Variants in NEK1 observed in about 807,000 individuals in gnomAD.
The protein encoded by NEK1 is serine/threonine-protein kinase Nek1.
A neutral mutation model predicts 182.1 loss-of-function variants in NEK1; 137 were observed. The ratio of observed to expected loss-of-function variants is 0.75; its 90% CI spans 0.65 to 0.87. NEK1 has a LOEUF of 0.87. NEK1 is among the 40% of genes least tolerant of loss of function. NEK1 has a pLI of 0.00. For missense variants in NEK1, 1,391 were observed against 1,494.4 expected (o/e 0.93, Z 1.14); for synonymous variants, 513 against 492.2 (o/e 1.04, Z -0.56).
At chr4:169,437,459 G>A (rs1314346149) in intron 28 of NEK1, among the ~76,000 whole-genome samples, 4 of 152,100 alleles carry the variant, frequency 2.6e-5, no homozygotes, top group Non-Finnish European at 5.9e-5. Flanking sequence ...ATTCTTTGAC[G>A]CCCTTCCCAT....
intron 35 of NEK1, among the ~76,000 whole-genome samples, chr4:169,399,571 C>CA (rs200940490): frequency 0.37 from 39,598 of 106,126 alleles, 5,369 homozygotes; most frequent in South Asian, 0.48. Context: ...GACTCTGTCT[C>CA]AAAAAAAACA....
intron 23 of NEK1, among the ~76,000 whole-genome samples, chr4:169,490,925 C>T (rs760803405): frequency 2.0e-5 from 3 of 151,870 alleles, no homozygotes; most frequent in African/African-American, 4.8e-5. Context: ...GGGAGGATCA[C>T]GAGGTCAGGA....
chr4:169,576,328 G>A lies in NEK1; in HGVS notation c.1020+600C>T, dbSNP rs539997531. Among the ~76,000 whole-genome samples, 25 of 152,274 alleles carry A rather than the reference G, an allele frequency of 1.6e-4. No individual in the cohort carries two copies. The East Asian group carries it at 2.5e-3, about 15-fold the overall frequency. On this transcript the variant is annotated intron_variant, in intron 12 of 35. Transcript: ENST00000507142. ...TATATAAAGTTTATCTTACAGCAGTGTGTATACATACATATCTAAGGCTGT... is the reference window on the plus strand; with the variant it reads ...TATATAAAGTTTATCTTACAGCAGTATGTATACATACATATCTAAGGCTGT...
At chr4:169,589,169 A>C (rs1430851357) in intron 7 of NEK1, among the ~76,000 whole-genome samples, 1 of 152,202 alleles carries the variant, frequency 6.6e-6, no homozygotes, top group Non-Finnish European at 1.5e-5. Flanking sequence ...TTCAGTACAG[A>C]ACATGCTGTA....
At chr4:169,498,277 T>C (rs892941704) in intron 23 of NEK1, among the ~76,000 whole-genome samples, 2 of 152,192 alleles carry the variant, frequency 1.3e-5, no homozygotes, top group African/African-American at 4.8e-5. Flanking sequence ...CTCCATCCCT[T>C]TATTTTGAGC....
chr4:169,470,076 T>C (rs770190252), intron 26 of NEK1, among the ~76,000 whole-genome samples: 37 of 151,864 alleles, frequency 2.4e-4, no homozygotes, highest in Non-Finnish European at 7.4e-5. Context: ...CTTGACTCTT[T>C]ATCCAATTTG....
chr4:169,593,462 G>A (rs998246923), intron 5 of NEK1, among the ~76,000 whole-genome samples: 3 of 152,206 alleles, frequency 2.0e-5, no homozygotes, highest in Non-Finnish European at 4.4e-5. Context: ...AGTTGAAAAA[G>A]CATACAGAAG....
At chr4:169,455,653 C>A (rs1742736286) in intron 27 of NEK1, among the ~76,000 whole-genome samples, 1 of 152,008 alleles carries the variant, frequency 6.6e-6, no homozygotes, top group Admixed American at 6.6e-5. Flanking sequence ...GAGATAGCCC[C>A]CAATACAATA....
chr4:169,449,129 G>A (rs1227304456), intron 27 of NEK1, among the ~76,000 whole-genome samples: 3 of 152,248 alleles, frequency 2.0e-5, no homozygotes, highest in African/African-American at 7.2e-5. Context: ...GCTGAGGCTT[G>A]AGTAGGTAAA....
chr4:169,451,818 C>T (rs1741840016), intron 27 of NEK1, among the ~76,000 whole-genome samples: 1 of 151,950 alleles, frequency 6.6e-6, no homozygotes, highest in Non-Finnish European at 1.5e-5. Flanking sequence ...GACACAAAAA[C>T]CCTTCAAAAA....
Position 169,602,545 on chromosome 4 carries a change from T to C in NEK1, c.86A>G (p.Gln29Arg). 2 of 1,603,508 alleles carry C rather than the reference T, an allele frequency of 1.2e-6. No homozygotes were observed. Among genetic ancestry groups the C allele is most frequent in the Non-Finnish European group, 1.7e-6 (2 of 1,171,388 alleles). ...GATGTTAATTTCCTTGATAACATAC[T>C]GTCTGCCATCTTCTGTAGATTTAAC... ...ILVKSTEDGR[Q>R]YVIKEINISR... The change falls in exon 3 of 36, where the codon CAG (glutamine) becomes CGG (arginine). Residue 29 changes from glutamine (Q) to arginine (R), a missense_variant. Coordinates refer to ENST00000507142, the MANE Select transcript of NEK1 (RefSeq NM_001199397.3).
In NEK1 at chr4:169,556,232, T is replaced by C. The variant is rs1762148120; in HGVS notation, c.1267-137A>G. Reference sequence around the variant, plus strand: ...CTTAATATGAACATACTAACAAACATAAAGCCTAAAGCAAAATGTTTTCCT... The same window carrying C: ...CTTAATATGAACATACTAACAAACACAAAGCCTAAAGCAAAATGTTTTCCT... On this transcript the variant is annotated intron_variant, in intron 16 of 35. Transcript: ENST00000507142. 6 of 714,120 alleles carry C rather than the reference T, an allele frequency of 8.4e-6. No homozygotes were observed. In the Admixed American group the frequency reaches 1.4e-4, roughly 17 times the overall value. The allele number at this position is 714,120 out of a possible 1,614,324, so 44.2% of individuals were successfully genotyped here. A position where few individuals can be genotyped will look rare whatever the true frequency, so the allele number is the denominator to read the frequency against.
At chr4:169,431,955 T>A (rs1236123309) in intron 29 of NEK1, among the ~76,000 whole-genome samples, 2 of 149,924 alleles carry the variant, frequency 1.3e-5, no homozygotes, top group Non-Finnish European at 3.0e-5. Flanking sequence ...ACACAAAACA[T>A]AAATGACCAG....
intron 12 of NEK1, among the ~76,000 whole-genome samples, chr4:169,563,781 T>A (rs998372955): frequency 1.4e-4 from 21 of 152,192 alleles, no homozygotes; most frequent in African/African-American, 4.6e-4. Context: ...ATCAAACTTT[T>A]AAAAACAAAA....
chr4:169,571,854 G>C (rs1283669597), intron 12 of NEK1, among the ~76,000 whole-genome samples: 1 of 151,244 alleles, frequency 6.6e-6, no homozygotes, highest in Non-Finnish European at 1.5e-5. Flanking sequence ...TCAGCCTCCT[G>C]AGTAGCTGGG....
In NEK1 at chr4:169,481,469, T is replaced by C. The variant is rs72973078; in HGVS notation, c.2008-1935A>G. On this transcript the variant is annotated intron_variant, in intron 23 of 35. Transcript: ENST00000507142. ...AAAGTCAAAATGACTTCTTGATACA[T>C]TGGCTGCAGAATGGATGTCGTGTTA... Among the ~76,000 whole-genome samples, 1,204 of 152,318 alleles carry C rather than the reference T, an allele frequency of 7.9e-3. 19 individuals carry two copies. Among genetic ancestry groups the C allele is most frequent in the African/African-American group, 0.027 (1,131 of 41,574 alleles).
intron 19 of NEK1, among the ~76,000 whole-genome samples, chr4:169,526,472 C>A (rs893589027): frequency 8.5e-5 from 13 of 152,090 alleles, no homozygotes; most frequent in African/African-American, 2.9e-4. Flanking sequence ...ACCTGGGTGA[C>A]AGAGGGAAAC....
rs569557117 is a variant in NEK1 at position 169,593,821 on chromosome 4, TACTAAAA to T, written c.313-3019_313-3013del. On this transcript the variant is annotated intron_variant, in intron 5 of 35. Transcript: ENST00000507142. ...GGCTAACACGGTGAAACCCCGTCTT[TACTAAAA>T]ATACAAAAAAATTAGCCAGGCGTGA... Among the ~76,000 whole-genome samples the T allele has an allele frequency of 5.6e-3, 854 of 152,174 alleles. 8 individuals carry two copies. Among genetic ancestry groups the T allele is most frequent in the African/African-American group, 0.02 (813 of 41,536 alleles).
intron 19 of NEK1, among the ~76,000 whole-genome samples, chr4:169,523,148 T>A (rs772279543): frequency 2.6e-5 from 4 of 152,224 alleles, no homozygotes; most frequent in Non-Finnish European, 4.4e-5. Flanking sequence ...TTTTGATAGC[T>A]AAGGTTTTTA....
Sources: gnomAD v4.1 joint callset for allele counts (sites outside exome capture counted in the v4.1 genomes callset) on GRCh38, gnomAD v4.1.1 for gene constraint, MANE v1.5 for transcripts, NCBI Gene and HGNC (gene_info 2026-07-23, HGNC 2026-07-21) for gene names.